The following HGF variants were observed in gnomAD, a reference collection of about 807,000 sequenced individuals.
HGF encodes fibroblast-derived tumor cytotoxic factor.
In HGF, 39 loss-of-function variants were observed where a neutral mutation model predicts 111.6. The ratio of observed to expected loss-of-function variants is 0.35; its 90% CI spans 0.27 to 0.46. The LOEUF (loss-of-function observed/expected upper bound fraction) is 0.46. Among genes scored for constraint, HGF ranks in the 20% least tolerant of loss-of-function variants. HGF has a pLI of 1.00. For missense variants in HGF, 735 were observed against 910.5 expected (o/e 0.81, Z 2.48); for synonymous variants, 285 against 294.8 (o/e 0.97, Z 0.34).
intron 7 of HGF, among the ~76,000 whole-genome samples, chr7:81,741,850 A>G (rs1448975157): frequency 6.7e-6 from 1 of 148,420 alleles, no homozygotes; most frequent in Admixed American, 6.9e-5. Flanking sequence ...AGGCAGGAGA[A>G]TCACTTGAAC....
chr7:81,756,238 G>A, intron 4 of HGF: 2 of 566,160 alleles, frequency 3.5e-6, no homozygotes, highest in Admixed American at 6.6e-5. Context: ...CTTCAGTTTT[G>A]TCATGTAGGT....
At chr7:81,756,343 A>T (rs1788768278) in intron 4 of HGF, 1 of 362,000 alleles carries the variant, frequency 2.8e-6, no homozygotes. Flanking sequence ...ATGGTAAAGT[A>T]AACCCTCCAA....
intron 8 of HGF, among the ~76,000 whole-genome samples, chr7:81,727,269 T>G (rs1463043931): frequency 6.6e-6 from 1 of 151,630 alleles, no homozygotes. Context: ...GGTCTCAATC[T>G]CCTGACCTGG....
chr7:81,748,337 C>G (rs545879320), intron 5 of HGF, among the ~76,000 whole-genome samples: 2 of 152,128 alleles, frequency 1.3e-5, no homozygotes, highest in Non-Finnish European at 2.9e-5. Context: ...AGGGAAAGTG[C>G]ATGGGAATGT....
intron 7 of HGF, among the ~76,000 whole-genome samples, chr7:81,732,913 G>T (rs1365428318): frequency 6.6e-6 from 1 of 152,110 alleles, no homozygotes; most frequent in Non-Finnish European, 1.5e-5. Flanking sequence ...ATAGTTCACT[G>T]CTGATTTATC....
intron 11 of HGF, among the ~76,000 whole-genome samples, chr7:81,713,016 A>G (rs931137434): frequency 6.6e-6 from 1 of 152,186 alleles, no homozygotes; most frequent in African/African-American, 2.4e-5. Flanking sequence ...GAGGCGGACT[A>G]TGGTAACAAA....
chr7:81,756,101 G>A (rs1191665603), intron 4 of HGF: 5 of 698,714 alleles, frequency 7.2e-6, no homozygotes, highest in Non-Finnish European at 1.3e-5. Context: ...CTACTGACCG[G>A]CCAAATGTGT....
At chr7:81,748,647 C>G (rs1788370335) in intron 5 of HGF, among the ~76,000 whole-genome samples, 1 of 146,230 alleles carries the variant, frequency 6.8e-6, no homozygotes, top group Non-Finnish European at 1.5e-5. Flanking sequence ...TTTACCTGCT[C>G]CAGCAAGTTC....
At chr7:81,746,925 G>A (rs1167961773) in intron 5 of HGF, among the ~76,000 whole-genome samples, 1 of 152,154 alleles carries the variant, frequency 6.6e-6, no homozygotes, top group African/African-American at 2.4e-5. Context: ...CCTGTTAAGA[G>A]GCAAGTTCTG....
intron 1 of HGF, among the ~76,000 whole-genome samples, chr7:81,763,195 T>C (rs1363395274): frequency 1.3e-5 from 2 of 152,102 alleles, no homozygotes; most frequent in Non-Finnish European, 2.9e-5. Context: ...AAAGGAAATA[T>C]CAGTGCTAGA....
In HGF at chr7:81,717,455, TA is replaced by T. The variant is rs1234040024; in HGVS notation, c.1272-91del. On this transcript the variant is annotated intron_variant, in intron 10 of 17. Coordinates refer to ENST00000222390, the MANE Select transcript of HGF (RefSeq NM_000601.6). ...ACAAAAAGATATAATCTCAGCACAT[TA>T]CTTTCACTGTAGATACAGCATAACC... The T allele has an allele frequency of 4.0e-6, 5 of 1,239,234 alleles. No individual in the cohort carries two copies. The Admixed American group carries it at 6.7e-5, about 17-fold the overall frequency. The allele number at this position is 1,239,234 out of a possible 1,614,324, so 76.8% of individuals were successfully genotyped here.
intron 7 of HGF, among the ~76,000 whole-genome samples, chr7:81,736,075 AATAGACACCTT>A (rs1318363097): frequency 6.6e-6 from 1 of 151,802 alleles, no homozygotes; most frequent in Non-Finnish European, 1.5e-5. Context: ...CAATACCTCG[AATAGACACCTT>A]AGTTATCAAA....
At chr7:81,717,988 A>G (rs961906920) in intron 10 of HGF, among the ~76,000 whole-genome samples, 1 of 152,166 alleles carries the variant, frequency 6.6e-6, no homozygotes, top group African/African-American at 2.4e-5. Context: ...ATTTACTGTA[A>G]ATTATTTTAT....
intron 5 of HGF, chr7:81,751,631 G>A (rs1387819761): frequency 1.0e-6 from 1 of 996,072 alleles, no homozygotes. Flanking sequence ...ATGTGCATGG[G>A]GTCAAGCTTC....
intron 5 of HGF, 172 bp downstream of exon 5, chr7:81,751,948 T>A: frequency 7.0e-7 from 1 of 1,424,924 alleles, no homozygotes; most frequent in Non-Finnish European, 9.2e-7. Context: ...CTGGTGATAA[T>A]CCAACAGTTT....
intron 7 of HGF, among the ~76,000 whole-genome samples, chr7:81,741,015 T>A (rs760711332): frequency 4.6e-5 from 7 of 152,196 alleles, no homozygotes; most frequent in Non-Finnish European, 1.0e-4. Flanking sequence ...AAATTTTTGG[T>A]TTTGCATTAT....
In HGF at chr7:81,721,048, A is replaced by G. The variant is rs533753620; in HGVS notation, c.1169-201T>C. ...ATCACGAGGTCAGGAGATCGAGACC[A>G]TCCTGGCTAACACGGTGAAACCCTG... On this transcript the variant is annotated intron_variant, in intron 9 of 17. Coordinates refer to ENST00000222390, the MANE Select transcript of HGF (RefSeq NM_000601.6). Among the ~76,000 whole-genome samples the G allele has an allele frequency of 2.6e-4, 39 of 152,334 alleles. No individual in the cohort carries two copies. In the South Asian group the frequency reaches 3.5e-3, roughly 14 times the overall value.
intron 4 of HGF, among the ~76,000 whole-genome samples, chr7:81,754,136 C>A (rs1040111468): frequency 6.6e-6 from 1 of 151,970 alleles, no homozygotes; most frequent in Admixed American, 6.6e-5. Flanking sequence ...AAAACCCATA[C>A]GGTTGCCCCA....
At chr7:81,730,410 G>T (rs1369851157) in intron 7 of HGF, among the ~76,000 whole-genome samples, 1 of 152,146 alleles carries the variant, frequency 6.6e-6, no homozygotes, top group African/African-American at 2.4e-5. Context: ...AGCCAAGATC[G>T]TGCCATTGCA....
Sources: gnomAD v4.1 joint callset for allele counts (sites outside exome capture counted in the v4.1 genomes callset) on GRCh38, gnomAD v4.1.1 for gene constraint, MANE v1.5 for transcripts, NCBI Gene and HGNC (gene_info 2026-07-23, HGNC 2026-07-21) for gene names.